Variants in CACNA2D3 observed in about 807,000 individuals in gnomAD.
CACNA2D3 encodes the protein calcium voltage-gated channel auxiliary subunit alpha2delta 3, also known as voltage-dependent calcium channel subunit alpha-2/delta-3.
Under a neutral mutation model 160.6 loss-of-function variants are expected in CACNA2D3, and 60 were observed. That is an observed-to-expected ratio of 0.37 (90% confidence interval 0.30 to 0.46). CACNA2D3 has a LOEUF of 0.46. Ranked by LOEUF, CACNA2D3 falls within the 20% of genes least tolerant of loss-of-function variation. The pLI is 1.00. For missense variants in CACNA2D3, 1,205 were observed against 1,365.0 expected, an observed-to-expected ratio of 0.88 and a Z score of 1.85; for synonymous variants, 558 against 492.9, an observed-to-expected ratio of 1.13 and a Z score of -1.75.
chr3:54,781,241 C>T (rs1249755740), intron 13 of CACNA2D3, among the ~76,000 whole-genome samples: 1 of 152,180 alleles, frequency 6.6e-6, no homozygotes, highest in African/African-American at 2.4e-5. Context: ...TCACAGAGGC[C>T]CTTTGCTATA....
At chr3:54,947,367 A>G (rs939667282) in intron 27 of CACNA2D3, among the ~76,000 whole-genome samples, 2 of 152,202 alleles carry the variant, frequency 1.3e-5, no homozygotes, top group African/African-American at 4.8e-5. Context: ...AACAAGGTGT[A>G]TAACAGGCTC....
chr3:54,234,784 C>T (rs13101120), intron 2 of CACNA2D3, among the ~76,000 whole-genome samples: 42,559 of 151,962 alleles, frequency 0.28, 6,830 homozygotes, highest in Middle Eastern at 0.38. Flanking sequence ...CACATGTTCT[C>T]ACTTATAAGT....
At chr3:54,549,974 A>T (rs931655841) in intron 5 of CACNA2D3, among the ~76,000 whole-genome samples, 1 of 152,148 alleles carries the variant, frequency 6.6e-6, no homozygotes, top group Non-Finnish European at 1.5e-5. Flanking sequence ...GAATATCAGG[A>T]ATCGGTTCTT....
chr3:54,501,295 C>A (rs1701290272), intron 4 of CACNA2D3, among the ~76,000 whole-genome samples: 1 of 152,152 alleles, frequency 6.6e-6, no homozygotes, highest in South Asian at 2.1e-4. Context: ...TTTCACTTAT[C>A]CATAGACAGT....
At chr3:54,417,752 A>G (rs1699776566) in intron 4 of CACNA2D3, among the ~76,000 whole-genome samples, 1 of 120,716 alleles carries the variant, frequency 8.3e-6, no homozygotes, top group Non-Finnish European at 1.6e-5. Flanking sequence ...TTTAGATGAC[A>G]GGGGTTCATG....
At chr3:54,605,234 A>G (rs939893469) in intron 9 of CACNA2D3, among the ~76,000 whole-genome samples, 10 of 152,288 alleles carry the variant, frequency 6.6e-5, no homozygotes, top group African/African-American at 2.4e-4. Flanking sequence ...AGCTAATTAC[A>G]TCTGCAGCAA....
intron 5 of CACNA2D3, among the ~76,000 whole-genome samples, chr3:54,505,502 G>A (rs1182982755): frequency 6.6e-6 from 1 of 152,120 alleles, no homozygotes; most frequent in East Asian, 1.9e-4. Context: ...GAAACAAATG[G>A]AACCAAGACA....
chr3:54,716,843 T>G (rs1701059823), intron 11 of CACNA2D3, among the ~76,000 whole-genome samples: 1 of 152,224 alleles, frequency 6.6e-6, no homozygotes, highest in Non-Finnish European at 1.5e-5. Flanking sequence ...AAATTATTTT[T>G]TAAAAGACTT....
intron 2 of CACNA2D3, among the ~76,000 whole-genome samples, chr3:54,295,589 G>A (rs1703323997): frequency 6.6e-6 from 1 of 152,184 alleles, no homozygotes; most frequent in Non-Finnish European, 1.5e-5. Context: ...GAGACAAACG[G>A]TTGCATTCTT....
chr3:54,349,796 C>T (rs1013723141), intron 3 of CACNA2D3, among the ~76,000 whole-genome samples: 5 of 152,168 alleles, frequency 3.3e-5, no homozygotes, highest in African/African-American at 7.2e-5. Flanking sequence ...AAGTTCTTAC[C>T]TCAGTGTTTA....
At chr3:54,787,415 C>G (rs1321237445) in intron 13 of CACNA2D3, among the ~76,000 whole-genome samples, 1 of 152,184 alleles carries the variant, frequency 6.6e-6, no homozygotes, top group Non-Finnish European at 1.5e-5. Flanking sequence ...CAATTGATTT[C>G]TTCACATGAA....
intron 14 of CACNA2D3, among the ~76,000 whole-genome samples, chr3:54,827,696 A>G (rs1213658271): frequency 6.6e-6 from 1 of 152,214 alleles, no homozygotes; most frequent in Non-Finnish European, 1.5e-5. Flanking sequence ...GAGACTGTAT[A>G]ATGTGAAAGA....
At chr3:54,493,914 C>T (rs753993863) in intron 4 of CACNA2D3, among the ~76,000 whole-genome samples, 2 of 152,168 alleles carry the variant, frequency 1.3e-5, no homozygotes, top group East Asian at 1.9e-4. Flanking sequence ...ACTGTCTGAC[C>T]CTTGACAGAA....
At chr3:54,567,836 G>A (rs1702433054) in intron 6 of CACNA2D3, among the ~76,000 whole-genome samples, 1 of 152,170 alleles carries the variant, frequency 6.6e-6, no homozygotes, top group African/African-American at 2.4e-5. Flanking sequence ...GGCTGGAGAT[G>A]GTTTGAATGT....
chr3:54,775,543 G>A (rs977824493), intron 13 of CACNA2D3, among the ~76,000 whole-genome samples: 7 of 152,154 alleles, frequency 4.6e-5, no homozygotes, highest in African/African-American at 1.4e-4. Flanking sequence ...GAGAATAGTC[G>A]TATAGGATTC....
rs1921542 is a variant in CACNA2D3, at chr3:54,810,985, G to T, written c.1381-5868G>T. 7.8e-3 allele frequency among the ~76,000 whole-genome samples: 1,185 copies of T among 152,156 alleles called. 22 individuals are homozygous for T. The highest frequency in any genetic ancestry group is 0.026 in the African/African-American group (1,067 of 41,496). ...TGTTCCTCACAGGTTGCCTGCGCTG[G>T]TCCCATCTCATCACATGGGCTCTCC... On this transcript the variant is annotated intron_variant, in intron 13 of 37. Transcript: ENST00000474759.
intron 2 of CACNA2D3, among the ~76,000 whole-genome samples, chr3:54,149,931 C>CTCTCTCTCTCTCTCT (rs1700113270): frequency 2.1e-5 from 1 of 47,080 alleles, no homozygotes; most frequent in Non-Finnish European, 4.4e-5. Flanking sequence ...CTCTCTCTCT[C>CTCTCTCTCTCTCTCT]CCTCCCTCCC....
chr3:54,823,230 G>C (rs988446463), intron 14 of CACNA2D3, among the ~76,000 whole-genome samples: 1 of 151,970 alleles, frequency 6.6e-6, no homozygotes. Context: ...CTACTTGTGT[G>C]TAAGGGGAAA....
intron 2 of CACNA2D3, among the ~76,000 whole-genome samples, chr3:54,157,130 G>A (rs934525769): frequency 6.6e-6 from 1 of 152,190 alleles, no homozygotes; most frequent in African/African-American, 2.4e-5. Flanking sequence ...CTGGCCTGCA[G>A]ACAGCCACCT....
Sources: allele counts gnomAD v4.1 joint callset (sites outside exome capture counted in the v4.1 genomes callset), GRCh38; gene constraint gnomAD v4.1.1; transcripts MANE v1.5; gene names NCBI Gene and HGNC (gene_info 2026-07-23, HGNC 2026-07-21).